STAG3: variants seen among roughly 807,000 people sequenced by gnomAD.
STAG3 encodes STAG3 cohesin complex component, also known as cohesin subunit SA-3.
STAG3 carries 101 observed loss-of-function variants against 160.7 expected under a neutral mutation model. That is an observed-to-expected ratio of 0.63 (90% CI 0.54 to 0.74). The LOEUF is 0.74. Ranked by LOEUF, STAG3 falls within the 30% of genes least tolerant of loss-of-function variation. The pLI is 0.00. For missense variants in STAG3, 1,188 were observed against 1,517.4 expected (o/e 0.78, Z 3.61); for synonymous variants, 519 against 585.0 (o/e 0.89, Z 1.63).
At chr7:100,180,866 T>C (rs563395295) in intron 2 of STAG3, 194 bp downstream of exon 2, 146 of 442,052 alleles carry the variant, frequency 3.3e-4, no homozygotes, top group African/African-American at 2.8e-3. Flanking sequence ...GACATCAAAA[T>C]AGTAGTACAT....
downstream of STAG3, among the ~76,000 whole-genome samples, chr7:100,216,032 C>A (rs1006255632): frequency 6.6e-6 from 1 of 152,190 alleles, no homozygotes; most frequent in African/African-American, 2.4e-5. Flanking sequence ...CAGCCAACAT[C>A]CATGTTGGCT....
Position 100,199,658 on chromosome 7 carries a change from G to T in STAG3, c.1677+14G>T. 1 of 1,558,620 alleles carries T rather than the reference G, an allele frequency of 6.4e-7. No homozygotes were observed. ...ACTGGGAGGAAGGTATGGTGTGAGG[G>T]TAGAGTGGGTAGGTCAGCAATACTC... On this transcript the variant is annotated intron_variant, in intron 16 of 33. Coordinates refer to ENST00000615138, the MANE Select transcript of STAG3 (RefSeq NM_001282717.2).
intron 30 of STAG3, 114 bp from the exon 31 acceptor site, chr7:100,211,321 T>C (rs1208462344): frequency 2.0e-6 from 3 of 1,477,256 alleles, no homozygotes; most frequent in Non-Finnish European, 2.8e-6. Context: ...CCTTCTCCAT[T>C]GTTTAGCTTT....
rs1294444399 is a variant in STAG3 at position 100,188,894 on chromosome 7, T to C, written c.593T>C (p.Leu198Ser). 6.2e-7 allele frequency: 1 copy of C among 1,614,194 alleles called. No individual in the cohort carries two copies. Among genetic ancestry groups the C allele is most frequent in the Non-Finnish European group, 8.5e-7 (1 of 1,180,026 alleles). ...QGSFCEFVRT[L>S]VCQCQYSLLY... ...AGCTTCTGTGAATTTGTGAGGACAT[T>C]GGTCTGTCAGTGCCAGTACAGCCTC... The change falls in exon 7 of 34, where the codon TTG becomes TCG. Residue 198 changes from leucine (L) to serine (S), a missense_variant. By Grantham distance (145) the Leu-to-Ser change is moderately radical. This residue lies in a region of STAG3 where 296 missense variants were observed against 404.0 expected (regional missense o/e 0.73). Coordinates refer to ENST00000615138, the MANE Select transcript of STAG3 (RefSeq NM_001282717.2).
chr7:100,177,773 G>A (rs1799361697), upstream of STAG3: 1 of 152,634 alleles, frequency 6.6e-6, no homozygotes, highest in African/African-American at 2.4e-5. Flanking sequence ...ACGCCTGAGA[G>A]CTTGAGGCCA....
intron 13 of STAG3, 90 bp from the exon 14 acceptor site, chr7:100,198,753 C>T (rs1800857171): frequency 7.6e-7 from 1 of 1,308,184 alleles, no homozygotes; most frequent in Admixed American, 1.7e-5. Context: ...TTTCCTTTAT[C>T]ATCTCCTTGG....
chr7:100,189,545 A>G lies in STAG3; in HGVS notation c.816A>G (p.Pro272=). 8 of 1,614,198 alleles carry G rather than the reference A, an allele frequency of 5.0e-6. No homozygotes were observed. The highest frequency in any genetic ancestry group is 6.8e-6 in the Non-Finnish European group (8 of 1,180,012). ...ATGAGGCTGAAAGAAACAAGGGGCC[A>G]GGGCAGAGGGCACCTGAGCGGCTGG... ...RQYEAERNKG[P]GQRAPERLES... is the part of the protein sequence containing the mutation. Residue 272 remains proline, a synonymous_variant, in exon 8 of 34, where the codon CCA becomes CCG. Transcript: ENST00000615138.
intron 21 of STAG3, 134 bp from the exon 22 acceptor site, chr7:100,201,652 C>T: frequency 5.2e-6 from 4 of 775,640 alleles, no homozygotes; most frequent in Non-Finnish European, 8.7e-6. Flanking sequence ...TCCAGAATAT[C>T]ACTCATTTTC....
At chr7:100,212,634 T>C (rs1292098975) in intron 32 of STAG3, 1 of 152,168 alleles carries the variant, frequency 6.6e-6, no homozygotes, top group Non-Finnish European at 1.5e-5. Context: ...TTTTTTTGTA[T>C]TTTTAGTAGA....
rs1428520975 is a variant in STAG3 at position 100,189,518 on chromosome 7, G to C, written c.789G>C (p.Gln263His). The change falls in exon 8 of 34, where the codon CAG becomes CAC. Residue 263 changes from glutamine to histidine, a missense_variant. Physicochemically the swap from Gln to His is conservative, Grantham distance 24. Coordinates refer to ENST00000615138, the MANE Select transcript of STAG3 (RefSeq NM_001282717.2). ...LSVHQDNNQRQYEAERNKGPG... is the reference protein window; with the variant it reads ...LSVHQDNNQRHYEAERNKGPG... ...TGCACCAAGATAACAATCAGCGTCAGTATGAGGCTGAAAGAAACAAGGGGC... is the reference window on the plus strand; with the variant it reads ...TGCACCAAGATAACAATCAGCGTCACTATGAGGCTGAAAGAAACAAGGGGC... The C allele has an allele frequency of 2.5e-6, 4 of 1,614,054 alleles. No homozygotes were observed. The highest frequency in any genetic ancestry group is 3.4e-6 in the Non-Finnish European group (4 of 1,180,010).
At chr7:100,212,040 G>A in intron 32 of STAG3, 164 bp downstream of exon 32, 1 of 573,320 alleles carries the variant, frequency 1.7e-6, no homozygotes, top group Non-Finnish European at 3.0e-6. Flanking sequence ...GACTTTGCTT[G>A]GACTCTACTT....
intron 3 of STAG3, among the ~76,000 whole-genome samples, 160 bp downstream of exon 3, chr7:100,182,352 C>A (rs879843533): frequency 6.6e-6 from 1 of 150,628 alleles, no homozygotes; most frequent in African/African-American, 2.4e-5. Context: ...GAGCGAGACT[C>A]CGTCTCAAAA....
chr7:100,182,696 T>C (rs1799726122), intron 3 of STAG3, 27 bp from the exon 4 acceptor site: 6 of 1,604,308 alleles, frequency 3.7e-6, no homozygotes, highest in African/African-American at 1.3e-5. Context: ...TTTTTTTTCA[T>C]ATTTCTGATC....
chr7:100,187,221 G>A lies in STAG3; in HGVS notation c.433+925G>A, dbSNP rs529742465. 7.2e-5 allele frequency among the ~76,000 whole-genome samples: 11 copies of A among 152,014 alleles called. No individual in the cohort carries two copies. In the East Asian group the frequency reaches 2.1e-3, roughly 29 times the overall value. ...TAATTTTTGTATTTTTAGTAGAGAT[G>A]GGGTTTCACCAGGCTGATCTTGAAC... On this transcript the variant is annotated intron_variant, in intron 5 of 33. Transcript: ENST00000615138.
chr7:100,180,878 C>CTTT, intron 2 of STAG3: 4 of 356,766 alleles, frequency 1.1e-5, no homozygotes, highest in South Asian at 4.0e-5. Context: ...GTAGTACATC[C>CTTT]TGTTTTTTTT....
chr7:100,210,916 T>C, intron 29 of STAG3, 95 bp from the exon 30 acceptor site: 1 of 1,341,908 alleles, frequency 7.5e-7, no homozygotes, highest in South Asian at 1.4e-5. Flanking sequence ...TCTTCCTGAT[T>C]GACTTTCCCT....
At chr7:100,199,092 C>T (rs1800889811) in intron 14 of STAG3, 135 bp downstream of exon 14, 1 of 948,706 alleles carries the variant, frequency 1.1e-6, no homozygotes, top group Non-Finnish European at 1.7e-6. Context: ...GAGTTTGAGA[C>T]CAGCCTGGGC....
chr7:100,199,671 G>A (rs1800944515), intron 16 of STAG3, 27 bp downstream of exon 16: 1 of 1,520,124 alleles, frequency 6.6e-7, no homozygotes, highest in East Asian at 2.3e-5. Flanking sequence ...GAGTGGGTAG[G>A]TCAGCAATAC....
downstream of STAG3, chr7:100,219,064 ATATACT>A (rs1236333882): frequency 1.3e-5 from 2 of 152,648 alleles, no homozygotes; most frequent in Admixed American, 1.3e-4. Flanking sequence ...TTGGAGGGAA[ATATACT>A]TAATTTGATT....
Sources: gnomAD v4.1 joint callset for allele counts (sites outside exome capture counted in the v4.1 genomes callset) on GRCh38, gnomAD v4.1.1 for gene constraint, gnomAD v4.1.1 regional missense constraint, MANE v1.5 for transcripts, NCBI Gene and HGNC (gene_info 2026-07-23, HGNC 2026-07-21) for gene names.